Variants in ACO1 observed in about 807,000 individuals in gnomAD.
The protein encoded by ACO1 is cytoplasmic aconitate hydratase.
Under a neutral mutation model 105.1 loss-of-function variants are expected in ACO1, and 78 were observed. The ratio of observed to expected loss-of-function variants is 0.74; its 90% CI spans 0.62 to 0.90. ACO1 has a LOEUF of 0.90. Among genes scored for constraint, ACO1 ranks in the 40% least tolerant of loss-of-function variants. The pLI is 0.00. For missense variants in ACO1, 965 were observed against 1,111.1 expected, an observed-to-expected ratio of 0.87 and a Z score of 1.87; for synonymous variants, 364 against 397.4, an observed-to-expected ratio of 0.92 and a Z score of 1.00.
chr9:32,413,303 G>A (rs1212032744), intron 4 of ACO1, among the ~76,000 whole-genome samples: 36 of 152,118 alleles, frequency 2.4e-4, no homozygotes, highest in Admixed American at 2.3e-3. Context: ...GGCCAACATG[G>A]TAAAACCATG....
Position 32,423,360 on chromosome 9 carries a change from C to T in ACO1, c.1012C>T (p.Gln338Ter), listed in dbSNP as rs562089015. The T allele has an allele frequency of 3.8e-6, 6 of 1,595,590 alleles. No individual in the cohort carries two copies. Among genetic ancestry groups the T allele is most frequent in the Non-Finnish European group, 5.1e-6 (6 of 1,174,080 alleles). The change falls in exon 9 of 21, where the codon CAG becomes TAG. Residue 338 changes from glutamine to a stop codon, truncating the protein, a stop_gained. Coordinates refer to ENST00000309951, the MANE Select transcript of ACO1 (RefSeq NM_002197.3). LOFTEE classifies it high-confidence loss of function. ...EKLKYIKKYL[Q>*]AVGMFRDFND... ...ATTAAAGTATATTAAAAAATATCTT[C>T]AGGCTGTAGGAATGTTTCGAGATTT...
intron 11 of ACO1, 126 bp downstream of exon 11, chr9:32,426,123 G>A (rs1024740729): frequency 1.1e-6 from 1 of 934,986 alleles, no homozygotes; most frequent in Non-Finnish European, 1.6e-6. Context: ...TCCAGATACA[G>A]ATATTTATTG....
At chr9:32,420,820 C>G in intron 7 of ACO1, 36 bp from the exon 8 acceptor site, 1 of 1,598,216 alleles carries the variant, frequency 6.3e-7, no homozygotes, top group South Asian at 1.1e-5. Flanking sequence ...TGTGGGCCAT[C>G]AGATCTCAAA....
In ACO1 at chr9:32,418,182, A is replaced by G. The variant is rs1239006165; in HGVS notation, c.459A>G (p.Arg153=). The change falls in exon 5 of 21, where the codon CGA becomes CGG. Residue 153 remains arginine, a synonymous_variant. Transcript: ENST00000309951. The stretch of plus-strand genomic sequence containing the variant: ...TGGAATTTGAAAGAAATAGAGAGCG[A>G]TTTGAATTTTTAAAGGTATGGGCAG... ...QDLEFERNRE[R]FEFLKWGSQA... is the part of the protein sequence containing the mutation. The G allele has an allele frequency of 1.9e-6, 3 of 1,614,072 alleles. No homozygotes were observed. Among genetic ancestry groups the G allele is most frequent in the Non-Finnish European group, 2.5e-6 (3 of 1,180,048 alleles).
rs1176996448 is a variant in ACO1, at chr9:32,454,570, A to AAAAG, written c.*4461_*4464dup. On this transcript the variant is annotated 3_prime_UTR_variant, in exon 21 of 21. Transcript: ENST00000309951. Reference sequence around the variant, plus strand: ...AATGGGGCTGGGCATGTGTCCATGAAAAAGACTCCCCAGTTGTTTCTAAAA... The same window carrying AAAAG: ...AATGGGGCTGGGCATGTGTCCATGAAAAAGAAAGACTCCCCAGTTGTTTCTAAAA... 1 of 152,136 alleles carries AAAAG rather than the reference A, an allele frequency of 6.6e-6. No homozygotes were observed. The highest frequency in any genetic ancestry group is 1.5e-5 in the Non-Finnish European group (1 of 68,022). The allele number at this position is 152,136 out of a possible 1,614,324, so 9.4% of individuals were successfully genotyped here. A position where few individuals can be genotyped will look rare whatever the true frequency, so the allele number is the denominator to read the frequency against.
chr9:32,450,214 C>G lies in ACO1; in HGVS notation c.*103C>G, dbSNP rs1563952109. 1.1e-6 allele frequency: 1 copy of G among 885,186 alleles called. No individual in the cohort carries two copies. The allele number at this position is 885,186 out of a possible 1,614,324, so 54.8% of individuals were successfully genotyped here. A position where few individuals can be genotyped will look rare whatever the true frequency, so the allele number is the denominator to read the frequency against. ...TGGCTGCCTCTGGGAGGGGTGCTGCCTTGTAGATGGAGCAAGTGAGCACTG... is the reference window on the plus strand; with the variant it reads ...TGGCTGCCTCTGGGAGGGGTGCTGCGTTGTAGATGGAGCAAGTGAGCACTG... On this transcript the variant is annotated 3_prime_UTR_variant, in exon 21 of 21. Transcript: ENST00000309951.
At position 32,399,966 on chromosome 9, in the gene ACO1, G is replaced by GTTTTTTTTTTTTTTTTTTTTTTTT. The variant is rs57615512; in HGVS notation, c.-22-5497_-22-5496insTTTTTTTTTTTTTTTTTTTTTTTT. ...ATTTCTTTTATTTTTTTCTTTTTCT[G>GTTTTTTTTTTTTTTTTTTTTTTTT]TTTTTTTTTTTTTTTTTTTTTTGCG... On this transcript the variant is annotated intron_variant, in intron 1 of 20. Transcript: ENST00000309951. Among the ~76,000 whole-genome samples the GTTTTTTTTTTTTTTTTTTTTTTTT allele has an allele frequency of 1.0e-4, 7 of 69,842 alleles. 1 individual carries two copies. Among genetic ancestry groups the GTTTTTTTTTTTTTTTTTTTTTTTT allele is most frequent in the Admixed American group, 2.2e-4 (1 of 4,602 alleles). 45.8% of individuals were successfully genotyped at this position (69,842 alleles called of 152,430 possible). A position where few individuals can be genotyped will look rare whatever the true frequency, so the allele number is the denominator to read the frequency against.
At position 32,425,929 on chromosome 9, in the gene ACO1, G is replaced by A. The variant is rs1235047042; in HGVS notation, c.1280G>A (p.Gly427Asp). The change falls in exon 11 of 21, where the codon GGT (glycine) becomes GAT (aspartate). Residue 427 changes from glycine to aspartate, a missense_variant. Gly to Asp is a moderately conservative substitution (Grantham distance 94, BLOSUM62 -1). Coordinates refer to ENST00000309951, the MANE Select transcript of ACO1 (RefSeq NM_002197.3). The stretch of plus-strand genomic sequence containing the variant: ...AACACTGAATTCACCCTTGCTCATG[G>A]TTCTGTGGTCATTGCTGCCATTACT... ...YDNTEFTLAH[G>D]SVVIAAITSC... is the part of the protein sequence containing the mutation. 1 of 1,613,902 alleles carries A rather than the reference G, an allele frequency of 6.2e-7. No homozygotes were observed. The highest frequency in any genetic ancestry group is 1.3e-5 in the African/African-American group (1 of 74,876).
rs1179246483 is a variant in ACO1 at position 32,424,648 on chromosome 9, A to G, written c.1171A>G (p.Ser391Gly). 1 of 1,613,844 alleles carries G rather than the reference A, an allele frequency of 6.2e-7. No homozygotes were observed. Residue 391 changes from serine (S) to glycine (G), a missense_variant, in exon 10 of 21, where the codon AGC (serine) becomes GGC (glycine). Ser to Gly is a moderately conservative substitution (Grantham distance 56). Coordinates refer to ENST00000309951, the MANE Select transcript of ACO1 (RefSeq NM_002197.3). ...AVSDMKKDFESCLGAKQGFKG... is the reference protein window; with the variant it reads ...AVSDMKKDFEGCLGAKQGFKG... ...GTCCGACATGAAAAAGGACTTTGAG[A>G]GCTGCCTTGGAGCCAAGGTAGGGGC...
intron 19 of ACO1, among the ~76,000 whole-genome samples, chr9:32,443,438 C>G (rs1296067269): frequency 6.6e-6 from 1 of 152,122 alleles, no homozygotes; most frequent in African/African-American, 2.4e-5. Flanking sequence ...AGTGACTTTT[C>G]AAGATATAAC....
At chr9:32,404,995 C>T (rs1216034471) in intron 1 of ACO1, among the ~76,000 whole-genome samples, 2 of 152,136 alleles carry the variant, frequency 1.3e-5, no homozygotes, top group African/African-American at 4.8e-5. Flanking sequence ...CCTTTGCTGC[C>T]CATTCTTTAG....
chr9:32,387,306 T>G (rs1307990072), intron 1 of ACO1, among the ~76,000 whole-genome samples: 1 of 152,212 alleles, frequency 6.6e-6, no homozygotes, highest in Non-Finnish European at 1.5e-5. Flanking sequence ...AGCCAGTGGT[T>G]TCAGAGCTGG....
rs764846746 is a variant in ACO1, at chr9:32,427,345, C to T, written c.1393C>T (p.Pro465Ser). 1.2e-6 allele frequency: 2 copies of T among 1,614,182 alleles called. No homozygotes were observed. Among genetic ancestry groups the T allele is most frequent in the Non-Finnish European group, 1.7e-6 (2 of 1,180,032 alleles). ...KAVDAGLNVM[P>S]YIKTSLSPGS... ...TGTGGATGCTGGCCTGAACGTGATG[C>T]CTTACATCAAAACTAGCCTGTCTCC... The change falls in exon 12 of 21, where the codon CCT becomes TCT. Residue 465 changes from proline (P) to serine (S), a missense_variant. Pro to Ser is a moderately conservative substitution (Grantham distance 74). Coordinates refer to ENST00000309951, the MANE Select transcript of ACO1 (RefSeq NM_002197.3).
At chr9:32,419,936 G>T (rs993793638) in intron 7 of ACO1, among the ~76,000 whole-genome samples, 8 of 152,212 alleles carry the variant, frequency 5.3e-5, no homozygotes, top group African/African-American at 1.7e-4. Context: ...GGGGTCCTTT[G>T]CATGGACATG....
At chr9:32,427,162 G>A in intron 11 of ACO1, 139 bp from the exon 12 acceptor site, 1 of 1,074,744 alleles carries the variant, frequency 9.3e-7, no homozygotes, top group Non-Finnish European at 1.3e-6. Context: ...AGAAACAGCA[G>A]ATAGCGCCAA....
At chr9:32,392,736 C>T (rs769771731) in intron 1 of ACO1, among the ~76,000 whole-genome samples, 4 of 152,180 alleles carry the variant, frequency 2.6e-5, no homozygotes, top group Non-Finnish European at 2.9e-5. Flanking sequence ...ATAACTGTTG[C>T]GGGAGGTCAG....
chr9:32,421,887 G>C (rs915388152), intron 8 of ACO1, among the ~76,000 whole-genome samples: 1 of 152,246 alleles, frequency 6.6e-6, no homozygotes, highest in Non-Finnish European at 1.5e-5. Context: ...GGTTTCATGA[G>C]AATCTTACAG....
intron 4 of ACO1, among the ~76,000 whole-genome samples, chr9:32,411,802 G>GCT (rs2118429577): frequency 1.3e-5 from 2 of 152,294 alleles, no homozygotes; most frequent in Non-Finnish European, 2.9e-5. Flanking sequence ...AGCAATATGT[G>GCT]TTAAGACCTT....
At chr9:32,417,395 C>T (rs976951073) in intron 4 of ACO1, among the ~76,000 whole-genome samples, 2 of 152,172 alleles carry the variant, frequency 1.3e-5, no homozygotes, top group Non-Finnish European at 2.9e-5. Context: ...TGTGTTCACT[C>T]AATCCTATGA....
Sources: allele counts gnomAD v4.1 joint callset (sites outside exome capture counted in the v4.1 genomes callset), GRCh38; gene constraint gnomAD v4.1.1; transcripts MANE v1.5; gene names NCBI Gene and HGNC (gene_info 2026-07-23, HGNC 2026-07-21).